The following CTBP1 variants were observed in gnomAD, a reference collection of about 807,000 sequenced individuals.
CTBP1 encodes the protein C-terminal-binding protein 1.
CTBP1 carries 11 observed loss-of-function variants against 42.1 expected under a neutral mutation model. The ratio of observed to expected loss-of-function variants is 0.26; its 90% confidence interval spans 0.16 to 0.43. The LOEUF (loss-of-function observed/expected upper bound fraction) is 0.43. Ranked by LOEUF, CTBP1 falls within the 20% of genes least tolerant of loss-of-function variation. The probability of loss-of-function intolerance (pLI) is 1.00; values close to 1 mark genes in which losing one functional copy is unlikely to be tolerated. For synonymous variants in CTBP1, 324 were observed against 277.1 expected (o/e 1.17, Z -1.68); for missense variants, 399 against 624.3 (o/e 0.64, Z 3.85).
chr4:1,239,076 G>T (rs1326390404), intron 2 of CTBP1, among the ~76,000 whole-genome samples: 1 of 152,228 alleles, frequency 6.6e-6, no homozygotes, highest in African/African-American at 2.4e-5. Context: ...GAAGAAAAGG[G>T]TTAAAACCTG....
chr4:1,243,772 A>T, intron 1 of CTBP1: 1 of 985,440 alleles, frequency 1.0e-6, no homozygotes, highest in Non-Finnish European at 1.2e-6. Context: ...AGGTGAAGGC[A>T]CACGGCTCCC....
chr4:1,243,637 G>A lies in CTBP1; in HGVS notation c.-188-2118C>T, dbSNP rs115841940. ...TGAGAGCCAGTGTCCGAGTCCTGGA[G>A]CCCTCACCTAGGGCAATGCCAGAGG... On this transcript the variant is annotated intron_variant, in intron 1 of 9. Coordinates refer to ENST00000382952, the MANE Select transcript of CTBP1 (RefSeq NM_001012614.2). The A allele has an allele frequency of 7.3e-4, 721 of 985,458 alleles. 9 individuals are homozygous for A. The African/African-American group carries it at 0.011, about 15-fold the overall frequency. The allele number at this position is 985,458 out of a possible 1,614,324, so 61.0% of individuals were successfully genotyped here.
chr4:1,216,042 G>A lies in CTBP1; in HGVS notation c.678C>T (p.Cys226=), dbSNP rs374344295. Residue 226 remains cysteine (C), a synonymous_variant, in exon 6 of 10, where the codon TGC becomes TGT. Coordinates refer to ENST00000382952, the MANE Select transcript of CTBP1 (RefSeq NM_001012614.2). Reference sequence around the variant, plus strand: ...GGTGGTGGTTGTGCTCGTTGAGGCCGCAGTGCAGGGTCACGCAGTCGCTGT... The same window carrying A: ...GGTGGTGGTTGTGCTCGTTGAGGCCACAGTGCAGGGTCACGCAGTCGCTGT... The part of the protein sequence containing the change: ...LFHSDCVTLH[C]GLNEHNHHLI... 61 of 1,611,568 alleles carry A rather than the reference G, an allele frequency of 3.8e-5. No individual in the cohort carries two copies. The highest frequency in any genetic ancestry group is 1.2e-4 in the African/African-American group (9 of 75,008).
rs1192097682 is a variant in CTBP1 at position 1,238,992 on chromosome 4, C to T, written c.8-655G>A. On this transcript the variant is annotated intron_variant, in intron 2 of 9. Transcript: ENST00000382952. The surrounding 1 kb of genome is among the most constrained non-coding windows in gnomAD (Gnocchi z 5.9). ...CCCTGATGGGGTCACCAGTGTTTCA[C>T]GTAGGACGCCCCCAACCCTCTGCCT... Among the ~76,000 whole-genome samples, 2 of 152,152 alleles carry T rather than the reference C, an allele frequency of 1.3e-5. No homozygotes were observed. Among genetic ancestry groups the T allele is most frequent in the Non-Finnish European group, 1.5e-5 (1 of 68,022 alleles).
chr4:1,250,088 C>CT (rs1733181532), upstream of CTBP1: 1 of 164,720 alleles, frequency 6.1e-6, no homozygotes, highest in East Asian at 1.8e-4. Context: ...CTCTGGAATG[C>CT]CGAGATAGTT....
At chr4:1,228,601 G>A (rs1730633436) in intron 3 of CTBP1, among the ~76,000 whole-genome samples, 1 of 152,182 alleles carries the variant, frequency 6.6e-6, no homozygotes, top group Non-Finnish European at 1.5e-5. Flanking sequence ...GGCCGGCACT[G>A]GTCAGAGTTG....
chr4:1,246,832 G>A (rs1732768465), intron 1 of CTBP1, among the ~76,000 whole-genome samples: 1 of 146,726 alleles, frequency 6.8e-6, no homozygotes, highest in Admixed American at 6.8e-5. Context: ...TCTGTCCAGG[G>A]TTCCTCCAGA....
At chr4:1,223,491 G>T in intron 5 of CTBP1, 1 of 456,144 alleles carries the variant, frequency 2.2e-6, no homozygotes, top group South Asian at 1.5e-5. Context: ...GACAAGGACA[G>T]CGGTCAGCAG....
rs375054449 is a variant in CTBP1, at chr4:1,245,340, G to A, written c.-189+3576C>T. 30 of 985,448 alleles carry A rather than the reference G, an allele frequency of 3.0e-5. No homozygotes were observed. The East Asian group carries it at 2.4e-3, about 78-fold the overall frequency. The allele number at this position is 985,448 out of a possible 1,614,324, so 61.0% of individuals were successfully genotyped here. The stretch of plus-strand genomic sequence containing the variant: ...TTCCCTGTTTGTTCAGCGAGCACAT[G>A]CACACAACCTGTGAGCTCCAGGAAC... On this transcript the variant is annotated intron_variant, in intron 1 of 9. Coordinates refer to ENST00000382952, the MANE Select transcript of CTBP1 (RefSeq NM_001012614.2).
intron 5 of CTBP1, 38 bp from the exon 6 acceptor site, chr4:1,216,243 C>A: frequency 6.3e-7 from 1 of 1,576,428 alleles, no homozygotes; most frequent in Non-Finnish European, 8.6e-7. Context: ...CCCTTGCTCA[C>A]CCGTGGCCGG....
intron 5 of CTBP1, chr4:1,217,678 C>T (rs1729288735): frequency 6.6e-6 from 1 of 152,254 alleles, no homozygotes; most frequent in Non-Finnish European, 1.5e-5. Context: ...AGCGGCTGTT[C>T]GGGGCGAGAC....
intron 1 of CTBP1, chr4:1,244,355 G>GGC (rs1361180936): frequency 9.2e-5 from 59 of 642,826 alleles, no homozygotes; most frequent in Non-Finnish European, 4.7e-5. Flanking sequence ...TCTGGGCACT[G>GGC]GGGGGGGGGT....
rs185568701 is a variant in CTBP1 at position 1,244,148 on chromosome 4, C to T, written c.-188-2629G>A. On this transcript the variant is annotated intron_variant, in intron 1 of 9. Transcript: ENST00000382952. ...CCAGAGCCTCCTGGCCACATGTCAACGCCCTGTCTCTGGATGCACATCACC... is the reference window on the plus strand; with the variant it reads ...CCAGAGCCTCCTGGCCACATGTCAATGCCCTGTCTCTGGATGCACATCACC... The T allele has an allele frequency of 2.2e-3, 2,158 of 985,320 alleles. 6 individuals are homozygous for T. Among genetic ancestry groups the T allele is most frequent in the South Asian group, 3.1e-3 (67 of 21,282 alleles). The allele number at this position is 985,320 out of a possible 1,614,324, so 61.0% of individuals were successfully genotyped here.
chr4:1,212,608 G>A, intron 9 of CTBP1, 185 bp from the exon 10 acceptor site: 1 of 633,832 alleles, frequency 1.6e-6, no homozygotes, highest in Non-Finnish European at 2.6e-6. Flanking sequence ...GGGGAGGGGA[G>A]CCCTGGTGTC....
rs371940453 is a variant in CTBP1, at chr4:1,245,681, G to A, written c.-189+3235C>T. On this transcript the variant is annotated intron_variant, in intron 1 of 9. Transcript: ENST00000382952. ...CACGGGCGGCAGGGCAGGGTGGCAC[G>A]GGTGGGCAGGGTGGCACGGGCGGGC... 281 of 983,688 alleles carry A rather than the reference G, an allele frequency of 2.9e-4. 4 individuals are homozygous for A. The East Asian group carries it at 0.024, about 84-fold the overall frequency. 60.9% of individuals were successfully genotyped at this position (983,688 alleles called of 1,614,324 possible).
chr4:1,247,269 C>T (rs1389228466), intron 1 of CTBP1, among the ~76,000 whole-genome samples: 1 of 152,224 alleles, frequency 6.6e-6, no homozygotes, highest in African/African-American at 2.4e-5. Flanking sequence ...GCGGACGAGG[C>T]ACCCCCAGGA....
In CTBP1 at chr4:1,213,542, G is replaced by A. The variant is rs1321961139; in HGVS notation, c.924C>T (p.Tyr308=). 6.2e-7 allele frequency: 1 copy of A among 1,613,278 alleles called. No individual in the cohort carries two copies. The change falls in exon 8 of 10, where the codon TAC becomes TAT. Residue 308 remains tyrosine (Y), a synonymous_variant. Transcript: ENST00000382952. The part of the protein sequence containing the change: ...NLICTPHAAW[Y]SEQASIEMRE... ...GCATCTCGATGGATGCCTGCTCGCT[G>A]TACCATGCAGCATGGGGGGTGCAGA...
intron 1 of CTBP1, chr4:1,243,482 C>T (rs1165544270): frequency 4.1e-6 from 4 of 985,270 alleles, no homozygotes; most frequent in Non-Finnish European, 4.8e-6. Context: ...ACCTGAGGCC[C>T]AGCACCTGGT....
intron 1 of CTBP1, among the ~76,000 whole-genome samples, chr4:1,246,284 G>A (rs781315886): frequency 2.0e-5 from 3 of 151,990 alleles, no homozygotes; most frequent in Non-Finnish European, 4.4e-5. Context: ...TCCACCCGGC[G>A]CTCCGACCAG....
Sources: allele counts gnomAD v4.1 joint callset (sites outside exome capture counted in the v4.1 genomes callset), GRCh38; gene constraint gnomAD v4.1.1; non-coding constraint Gnocchi (gnomAD v3.1); transcripts MANE v1.5; gene names NCBI Gene and HGNC (gene_info 2026-07-23, HGNC 2026-07-21).